HECW2: variants seen among roughly 807,000 people sequenced by gnomAD.
The protein encoded by HECW2 is E3 ubiquitin-protein ligase HECW2.
HECW2 carries 61 observed loss-of-function variants against 175.2 expected under a neutral mutation model. The ratio of observed to expected loss-of-function variants is 0.35; its 90% CI spans 0.28 to 0.43. The LOEUF is 0.43. HECW2 is among the 20% of genes least tolerant of loss of function. The probability of loss-of-function intolerance (pLI) is 1.00; values close to 1 mark genes in which losing one functional copy is unlikely to be tolerated. For synonymous variants in HECW2, 671 were observed against 731.0 expected (o/e 0.92, Z 1.32); for missense variants, 1,524 against 2,000.5 (o/e 0.76, Z 4.54).
intron 28 of HECW2, among the ~76,000 whole-genome samples, chr2:196,202,452 T>C (rs1430715770): frequency 1.3e-5 from 2 of 152,194 alleles, no homozygotes; most frequent in African/African-American, 2.4e-5. Flanking sequence ...TTGGAGTGAG[T>C]TATTAAAACT....
chr2:196,334,557 A>G (rs1454079359), intron 3 of HECW2, 39 bp from the exon 4 acceptor site: 1 of 1,484,944 alleles, frequency 6.7e-7, no homozygotes. Flanking sequence ...TTAAACAGTG[A>G]AACAAGTCAT....
chr2:196,268,767 G>A (rs1689615253), intron 17 of HECW2, among the ~76,000 whole-genome samples: 1 of 152,316 alleles, frequency 6.6e-6, no homozygotes, highest in African/African-American at 2.4e-5. Flanking sequence ...GGAAGTGGTA[G>A]AAGAGAGAGA....
chr2:196,208,268 T>G (rs1286390395), intron 28 of HECW2, among the ~76,000 whole-genome samples: 2 of 152,242 alleles, frequency 1.3e-5, no homozygotes, highest in African/African-American at 4.8e-5. Context: ...AATGCTAATT[T>G]CTATCCCAAC....
Position 196,318,834 on chromosome 2 carries a change from C to T in HECW2, c.2056G>A (p.Ala686Thr). 1.3e-6 allele frequency: 2 copies of T among 1,545,052 alleles called. No homozygotes were observed. The highest frequency in any genetic ancestry group is 3.9e-5 in the Admixed American group (2 of 51,090). Residue 686 changes from alanine to threonine, a missense_variant, in exon 9 of 29, where the codon GCA becomes ACA. This residue lies in a region of HECW2 where 604 missense variants were observed against 588.3 expected (regional missense o/e 1.03). Transcript: ENST00000644978. Reference sequence around the variant, plus strand: ...GCAGGGCCACTGCTGGTGGGCTCTGCTGCACAGGCTCCGTCTTCCTCCTCC... The same window carrying T: ...GCAGGGCCACTGCTGGTGGGCTCTGTTGCACAGGCTCCGTCTTCCTCCTCC... ...SQEEEDGACA[A>T]EPTSSGPAEG...
chr2:196,255,248 T>G (rs1234082913), intron 18 of HECW2, among the ~76,000 whole-genome samples: 1 of 144,414 alleles, frequency 6.9e-6, no homozygotes, highest in Non-Finnish European at 1.5e-5. Flanking sequence ...TGCCTCGGCA[T>G]CCCAAAGTGC....
intron 1 of HECW2, among the ~76,000 whole-genome samples, chr2:196,455,765 T>C (rs1033877936): frequency 1.3e-5 from 2 of 151,992 alleles, no homozygotes; most frequent in African/African-American, 4.8e-5. Context: ...AAGGATAAAA[T>C]AGAAAATTAT....
intron 2 of HECW2, among the ~76,000 whole-genome samples, chr2:196,388,206 G>A (rs1213794402): frequency 6.6e-6 from 1 of 152,130 alleles, no homozygotes; most frequent in Non-Finnish European, 1.5e-5. Flanking sequence ...GCTGAAGCAA[G>A]AGGATCATGT....
At chr2:196,214,900 C>T (rs944199786) in intron 28 of HECW2, among the ~76,000 whole-genome samples, 2 of 152,118 alleles carry the variant, frequency 1.3e-5, no homozygotes, top group African/African-American at 4.8e-5. Context: ...TATATAGTAA[C>T]AATAATATCA....
At chr2:196,549,812 T>C (rs1462065912) in intron 1 of HECW2, among the ~76,000 whole-genome samples, 2 of 152,208 alleles carry the variant, frequency 1.3e-5, no homozygotes, top group African/African-American at 4.8e-5. Flanking sequence ...GAAATGATAC[T>C]CATAGCAAAG....
At chr2:196,422,191 T>C (rs767485785) in intron 2 of HECW2, among the ~76,000 whole-genome samples, 8 of 152,158 alleles carry the variant, frequency 5.3e-5, no homozygotes, top group Non-Finnish European at 1.0e-4. Flanking sequence ...CATACAAGGA[T>C]GCCTTAAGCT....
At chr2:196,384,067 T>C (rs1694281522) in intron 2 of HECW2, among the ~76,000 whole-genome samples, 1 of 152,200 alleles carries the variant, frequency 6.6e-6, no homozygotes, top group African/African-American at 2.4e-5. Flanking sequence ...ATTATATTTC[T>C]TCACTCTTCC....
At chr2:196,410,952 T>C (rs1695092687) in intron 2 of HECW2, among the ~76,000 whole-genome samples, 1 of 152,044 alleles carries the variant, frequency 6.6e-6, no homozygotes, top group Admixed American at 6.6e-5. Flanking sequence ...TCTGAGATCA[T>C]AATGCCATTC....
intron 2 of HECW2, among the ~76,000 whole-genome samples, chr2:196,412,769 C>A (rs181612752): frequency 7.4e-4 from 113 of 152,298 alleles, no homozygotes; most frequent in African/African-American, 2.5e-3. Flanking sequence ...AAACCAGTAT[C>A]CCTGCCAAAA....
chr2:196,432,609 A>G (rs1000910861), intron 2 of HECW2, among the ~76,000 whole-genome samples: 1 of 152,266 alleles, frequency 6.6e-6, no homozygotes, highest in African/African-American at 2.4e-5. Context: ...TCAGGAAAAC[A>G]TGACACTTCC....
chr2:196,257,414 T>C (rs1204533012), intron 18 of HECW2, among the ~76,000 whole-genome samples: 8 of 132,250 alleles, frequency 6.0e-5, no homozygotes, highest in Admixed American at 8.4e-5. Flanking sequence ...AAATAAATAA[T>C]GCCTTGAGTC....
chr2:196,378,880 T>C (rs926993742), intron 2 of HECW2, among the ~76,000 whole-genome samples: 23 of 152,146 alleles, frequency 1.5e-4, no homozygotes, highest in Non-Finnish European at 2.4e-4. Context: ...CACTAATCAA[T>C]CTTAGCATCA....
At chr2:196,264,952 G>C (rs2105944206) in intron 17 of HECW2, among the ~76,000 whole-genome samples, 1 of 152,182 alleles carries the variant, frequency 6.6e-6, no homozygotes, top group African/African-American at 2.4e-5. Context: ...CCTTGGAAAG[G>C]TATTTTAATA....
Position 196,377,769 on chromosome 2 carries a change from T to A in HECW2, c.293-34005A>T, listed in dbSNP as rs578055057. ...TCCATTTTACAAATTTCTCATGCAA[T>A]AACAATTGCAACATCTGAAAGCACT... On this transcript the variant is annotated intron_variant, in intron 2 of 28. Coordinates refer to ENST00000644978, the MANE Select transcript of HECW2 (RefSeq NM_001348768.2). Among the ~76,000 whole-genome samples, 3 of 152,340 alleles carry A rather than the reference T, an allele frequency of 2.0e-5. No individual in the cohort carries two copies. In the South Asian group the frequency reaches 6.2e-4, roughly 32 times the overall value.
chr2:196,457,680 G>A (rs1287660270), intron 1 of HECW2, among the ~76,000 whole-genome samples: 1 of 150,412 alleles, frequency 6.6e-6, no homozygotes, highest in Non-Finnish European at 1.5e-5. Context: ...AAAAATGAAG[G>A]AGCGGGACTA....
Sources: gnomAD v4.1 joint callset for allele counts (sites outside exome capture counted in the v4.1 genomes callset) on GRCh38, gnomAD v4.1.1 for gene constraint, gnomAD v4.1.1 regional missense constraint, MANE v1.5 for transcripts, NCBI Gene and HGNC (gene_info 2026-07-23, HGNC 2026-07-21) for gene names.